The following PRRX1 variants were observed in gnomAD, a reference collection of about 807,000 sequenced individuals.
PRRX1 encodes the protein paired related homeobox 1, also known as paired mesoderm homeobox protein 1.
Under a neutral mutation model 24.0 loss-of-function variants are expected in PRRX1, and 8 were observed. That is an observed-to-expected ratio of 0.33 (90% confidence interval 0.20 to 0.60). The LOEUF (loss-of-function observed/expected upper bound fraction) is 0.60, where lower values mean the gene tolerates loss of function less well. Among genes scored for constraint, PRRX1 ranks in the 20% least tolerant of loss-of-function variants. The probability of loss-of-function intolerance (pLI) is 0.82; values close to 1 mark genes in which losing one functional copy is unlikely to be tolerated. For synonymous variants in PRRX1, 160 were observed against 131.7 expected (o/e 1.22, Z -1.47); for missense variants, 281 against 322.4 (o/e 0.87, Z 0.98).
rs892417266 is a variant in PRRX1 at position 170,737,430 on chromosome 1, G to A, written c.*1244G>A. 8.1e-5 allele frequency: 16 copies of A among 198,646 alleles called. No homozygotes were observed. The highest frequency in any genetic ancestry group is 7.3e-5 in the Non-Finnish European group (7 of 96,182). The allele number at this position is 198,646 out of a possible 1,614,324, so 12.3% of individuals were successfully genotyped here. ...TTTGAGGCTATAAAAATGTCCTTGA[G>A]TTTGGAGCCTGAGCTCTGGTGAAAT... On this transcript the variant is annotated 3_prime_UTR_variant, in exon 4 of 4. Coordinates refer to ENST00000239461, the MANE Select transcript of PRRX1 (RefSeq NM_022716.4).
At chr1:170,664,045 A>ATTTT, upstream of PRRX1, 1 of 548,226 alleles carries the variant, frequency 1.8e-6, no homozygotes, top group East Asian at 3.5e-5. Context: ...CTCTTTTCCA[A>ATTTT]TTTTTTTTTT....
chr1:170,730,143 G>C, intron 3 of PRRX1: 1 of 821,176 alleles, frequency 1.2e-6, no homozygotes. Flanking sequence ...ATGAGTGAAA[G>C]AGAGGTCAGC....
At chr1:170,683,720 T>C (rs1390668870) in intron 1 of PRRX1, among the ~76,000 whole-genome samples, 2 of 152,234 alleles carry the variant, frequency 1.3e-5, no homozygotes, top group Non-Finnish European at 2.9e-5. Context: ...CAGCTCTTTG[T>C]AATTTAGCAA....
intron 1 of PRRX1, among the ~76,000 whole-genome samples, chr1:170,700,347 C>T (rs1485606509): frequency 6.6e-6 from 1 of 151,944 alleles, no homozygotes; most frequent in Non-Finnish European, 1.5e-5. Context: ...GGGTGGAGAA[C>T]CTTTAGGATA....
intron 1 of PRRX1, among the ~76,000 whole-genome samples, chr1:170,681,800 T>G (rs1264789292): frequency 6.6e-6 from 1 of 152,162 alleles, no homozygotes; most frequent in Non-Finnish European, 1.5e-5. Context: ...CAACCTTAAC[T>G]CACAGGTGGA....
intron 1 of PRRX1, among the ~76,000 whole-genome samples, chr1:170,718,738 G>T (rs902797364): frequency 6.6e-6 from 1 of 152,174 alleles, no homozygotes; most frequent in African/African-American, 2.4e-5. Context: ...AGGCCTTAGG[G>T]TGATAGTTTG....
intron 2 of PRRX1, among the ~76,000 whole-genome samples, chr1:170,722,327 G>C (rs1185775924): frequency 6.6e-6 from 1 of 152,158 alleles, no homozygotes. Flanking sequence ...CTCTTGGATG[G>C]AGGCCATGTT....
chr1:170,688,266 A>T (rs1653812906), intron 1 of PRRX1, among the ~76,000 whole-genome samples: 1 of 152,170 alleles, frequency 6.6e-6, no homozygotes, highest in African/African-American at 2.4e-5. Context: ...AGTGGGTCCA[A>T]AAACTGTAAT....
chr1:170,710,776 A>G (rs1346087518), intron 1 of PRRX1, among the ~76,000 whole-genome samples: 8 of 152,198 alleles, frequency 5.3e-5, no homozygotes, highest in Non-Finnish European at 1.2e-4. Flanking sequence ...TCTCTCTGCC[A>G]TATGAGGATA....
At chr1:170,682,870 GCTAA>G (rs1427662447) in intron 1 of PRRX1, among the ~76,000 whole-genome samples, 1 of 152,242 alleles carries the variant, frequency 6.6e-6, no homozygotes, top group Admixed American at 6.5e-5. Flanking sequence ...AAGAAGGAGA[GCTAA>G]CTATGTAGAG....
In PRRX1 at chr1:170,736,057, T is replaced by G; in HGVS notation, c.609T>G (p.Ala203=). ...WGTASPYSAM[A]TYSATCANNS... ...TCCTTTGTCCCTACAGCGCCATGGC[T>G]ACTTATTCTGCCACATGTGCCAACA... The change falls in exon 4 of 4, where the codon GCT becomes GCG. Residue 203 remains alanine (A), a synonymous_variant. Transcript: ENST00000239461. The G allele has an allele frequency of 6.2e-7, 1 of 1,614,060 alleles. No individual in the cohort carries two copies. The highest frequency in any genetic ancestry group is 1.3e-5 in the African/African-American group (1 of 75,046).
At chr1:170,724,753 T>C (rs1571347004) in intron 2 of PRRX1, among the ~76,000 whole-genome samples, 1 of 152,358 alleles carries the variant, frequency 6.6e-6, no homozygotes, top group East Asian at 1.9e-4. Flanking sequence ...GAGGATTGTC[T>C]TGGCCATACG....
chr1:170,706,038 A>G (rs1373594585), intron 1 of PRRX1, among the ~76,000 whole-genome samples: 1 of 152,028 alleles, frequency 6.6e-6, no homozygotes, highest in Non-Finnish European at 1.5e-5. Context: ...GAACTTTATA[A>G]ATAGTTTTTC....
At chr1:170,664,005 G>A, upstream of PRRX1, 1 of 562,552 alleles carries the variant, frequency 1.8e-6, no homozygotes, top group Non-Finnish European at 3.1e-6. Flanking sequence ...GGTGCACAAC[G>A]CTCTGCTCTA....
intron 1 of PRRX1, among the ~76,000 whole-genome samples, chr1:170,694,690 G>A (rs915961424): frequency 6.6e-6 from 1 of 152,020 alleles, no homozygotes; most frequent in African/African-American, 2.4e-5. Flanking sequence ...TGTTGATTCA[G>A]GACTTCTGCT....
chr1:170,705,925 CACACACACAT>C (rs1283707806), intron 1 of PRRX1, among the ~76,000 whole-genome samples: 168 of 127,138 alleles, frequency 1.3e-3, no homozygotes, highest in Non-Finnish European at 2.2e-3. Flanking sequence ...TAGACACACA[CACACACACAT>C]ACACACACAC....
intron 1 of PRRX1, among the ~76,000 whole-genome samples, chr1:170,708,649 A>G (rs1434565024): frequency 6.6e-6 from 1 of 152,212 alleles, no homozygotes; most frequent in African/African-American, 2.4e-5. Context: ...AAGATGGTCA[A>G]TAATTCCATA....
chr1:170,731,847 A>T (rs1474816453), intron 3 of PRRX1, among the ~76,000 whole-genome samples: 1 of 152,210 alleles, frequency 6.6e-6, no homozygotes, highest in African/African-American at 2.4e-5. Flanking sequence ...CTGAATCAAC[A>T]GATGGGGTGC....
At chr1:170,694,083 T>C (rs1055786549) in intron 1 of PRRX1, among the ~76,000 whole-genome samples, 2 of 152,068 alleles carry the variant, frequency 1.3e-5, no homozygotes, top group Non-Finnish European at 2.9e-5. Flanking sequence ...ATACTTTGGT[T>C]TCCAGGTGCA....
Sources: allele counts gnomAD v4.1 joint callset (sites outside exome capture counted in the v4.1 genomes callset), GRCh38; gene constraint gnomAD v4.1.1; transcripts MANE v1.5; gene names NCBI Gene and HGNC (gene_info 2026-07-23, HGNC 2026-07-21).